Variants in DAPK2 observed in about 807,000 individuals in gnomAD.
DAPK2 encodes the protein death associated protein kinase 2.
A neutral mutation model predicts 44.1 loss-of-function variants in DAPK2; 35 were observed. The observed-to-expected ratio is 0.79, with a 90% CI of 0.61 to 1.05. The LOEUF is 1.05. Ranked by LOEUF, DAPK2 falls within the 50% of genes least tolerant of loss-of-function variation. DAPK2 has a pLI of 0.00. For synonymous variants in DAPK2, 174 were observed against 182.6 expected, an observed-to-expected ratio of 0.95 and a Z score of 0.38; for missense variants, 453 against 483.2, an observed-to-expected ratio of 0.94 and a Z score of 0.59.
At chr15:64,042,411 C>T (rs2141224526), upstream of DAPK2, among the ~76,000 whole-genome samples, 1 of 152,204 alleles carries the variant, frequency 6.6e-6, no homozygotes, top group South Asian at 2.1e-4. This position sits in a 1 kb window ranked among gnomAD's most constrained non-coding sequence, Gnocchi z 4.7. Flanking sequence ...GGTGGGGTTA[C>T]CAATTTCACA....
At chr15:63,926,160 G>C in intron 6 of DAPK2, 67 bp from the exon 8 acceptor site, 5 of 1,533,286 alleles carry the variant, frequency 3.3e-6, no homozygotes, top group Non-Finnish European at 4.4e-6. Flanking sequence ...TTACGGACTC[G>C]GGGAACCCTG....
chr15:63,946,472 C>T (rs552045109), intron 3 of DAPK2, among the ~76,000 whole-genome samples: 3 of 152,342 alleles, frequency 2.0e-5, no homozygotes, highest in African/African-American at 7.2e-5. Context: ...GGGGGCAAAA[C>T]CTACTGAGCC....
At chr15:64,039,478 T>A (rs971870833) in intron 1 of DAPK2, among the ~76,000 whole-genome samples, 7 of 152,254 alleles carry the variant, frequency 4.6e-5, no homozygotes, top group Non-Finnish European at 8.8e-5. Flanking sequence ...GCCTATTTCA[T>A]GCATTGTTAT....
intron 3 of DAPK2, among the ~76,000 whole-genome samples, chr15:63,958,512 T>C (rs912396580): frequency 1.1e-4 from 16 of 152,224 alleles, no homozygotes; most frequent in African/African-American, 3.6e-4. Flanking sequence ...CTTTAATCCA[T>C]CTTGAATTAA....
Position 64,020,981 on chromosome 15 carries a change from G to A in DAPK2, c.92+19189C>T, listed in dbSNP as rs2079664135. On this transcript the variant is annotated intron_variant, in intron 1 of 10. Transcript: ENST00000261891. This position sits in a 1 kb window ranked among gnomAD's most constrained non-coding sequence, Gnocchi z 4.5. ...GTAGCCAAAGTGGGATATGAAGCAA[G>A]TTCTTTACTCCAAGTCCGTGGCGAT... 6.6e-6 allele frequency among the ~76,000 whole-genome samples: 1 copy of A among 152,216 alleles called. No homozygotes were observed. The highest frequency in any genetic ancestry group is 6.5e-5 in the Admixed American group (1 of 15,270).
chr15:64,030,780 C>A (rs189396562), intron 1 of DAPK2, among the ~76,000 whole-genome samples: 189 of 152,090 alleles, frequency 1.2e-3, no homozygotes, highest in African/African-American at 4.1e-3. Context: ...TCAGCCTGGG[C>A]AATACAGTAA....
chr15:64,037,658 T>C (rs571428474), intron 1 of DAPK2, among the ~76,000 whole-genome samples: 1 of 152,292 alleles, frequency 6.6e-6, no homozygotes, highest in Non-Finnish European at 1.5e-5. Flanking sequence ...AGAATAGGAC[T>C]GTCCCTTCAG....
At chr15:63,991,183 C>T (rs766916759) in intron 1 of DAPK2, 2 of 454,940 alleles carry the variant, frequency 4.4e-6, no homozygotes, top group Non-Finnish European at 8.8e-6. Flanking sequence ...GGAAACAGGT[C>T]AGGGTTTTAG....
At chr15:63,926,182 C>T (rs2079257747) in intron 6 of DAPK2, 89 bp from the exon 8 acceptor site, 1 of 1,442,446 alleles carries the variant, frequency 6.9e-7, no homozygotes, top group South Asian at 1.4e-5. Context: ...CCCATGACTG[C>T]TGCAGGGAGC....
In DAPK2 at chr15:63,947,130, C is replaced by G. The variant is rs571471170; in HGVS notation, c.454-7769G>C. Reference sequence around the variant, plus strand: ...GCTACCTCTTCATCACCCCATCCCACCCTGCAGTTCACTCTGCTGGAACAG... The same window carrying G: ...GCTACCTCTTCATCACCCCATCCCAGCCTGCAGTTCACTCTGCTGGAACAG... On this transcript the variant is annotated intron_variant, in intron 3 of 10. Transcript: ENST00000261891. Among the ~76,000 whole-genome samples, 3 of 152,240 alleles carry G rather than the reference C, an allele frequency of 2.0e-5. No individual in the cohort carries two copies. The East Asian group carries it at 5.8e-4, about 29-fold the overall frequency.
intron 1 of DAPK2, among the ~76,000 whole-genome samples, chr15:63,988,915 C>T (rs2078739213): frequency 6.6e-6 from 1 of 151,898 alleles, no homozygotes; most frequent in Non-Finnish European, 1.5e-5. Context: ...TATGGTGGCT[C>T]ACACCTGTCA....
chr15:63,968,420 C>A (rs928106945), intron 3 of DAPK2, among the ~76,000 whole-genome samples: 1 of 152,196 alleles, frequency 6.6e-6, no homozygotes, highest in Non-Finnish European at 1.5e-5. Flanking sequence ...GGAAAATGTC[C>A]AGGTTAGCCC....
At chr15:63,954,677 T>C (rs1257597234) in intron 3 of DAPK2, among the ~76,000 whole-genome samples, 1 of 152,232 alleles carries the variant, frequency 6.6e-6, no homozygotes, top group Non-Finnish European at 1.5e-5. Flanking sequence ...GTTTTTTCTA[T>C]TTCGGTTAAG....
At chr15:63,958,786 A>G (rs943833462) in intron 3 of DAPK2, among the ~76,000 whole-genome samples, 63 of 152,306 alleles carry the variant, frequency 4.1e-4, no homozygotes, top group African/African-American at 1.4e-3. Context: ...GTCAGGTAGC[A>G]TGATGCCTCC....
intron 1 of DAPK2, among the ~76,000 whole-genome samples, chr15:64,035,083 G>A (rs182062029): frequency 6.0e-4 from 91 of 151,916 alleles, no homozygotes; most frequent in African/African-American, 2.2e-3. Flanking sequence ...CAGGAGAATC[G>A]CTTGAACCCG....
At chr15:63,962,275 C>T (rs527263796) in intron 3 of DAPK2, among the ~76,000 whole-genome samples, 21 of 152,266 alleles carry the variant, frequency 1.4e-4, no homozygotes, top group African/African-American at 4.8e-4. Flanking sequence ...AGCTTATTTG[C>T]GATGGGTTCG....
At chr15:63,975,811 C>T (rs937641398) in intron 2 of DAPK2, among the ~76,000 whole-genome samples, 3 of 152,108 alleles carry the variant, frequency 2.0e-5, no homozygotes, top group African/African-American at 7.2e-5. Flanking sequence ...ATTGGCCAAG[C>T]TGGGACTCCT....
At chr15:64,040,145 C>T (rs369782447) in intron 1 of DAPK2, 25 bp downstream of exon 2, 1 of 1,592,258 alleles carries the variant, frequency 6.3e-7, no homozygotes, top group Non-Finnish European at 8.6e-7. Context: ...CTCGGCATCC[C>T]CCCACCTCTC....
Position 63,929,633 on chromosome 15 carries a change from A to G in DAPK2, c.633-56T>C, listed in dbSNP as rs1433804597. 6 of 1,609,568 alleles carry G rather than the reference A, an allele frequency of 3.7e-6. No homozygotes were observed. The East Asian group carries it at 1.3e-4, about 36-fold the overall frequency. ...CACCTGGGTCCCATCCCCGACCAGC[A>G]AGGGACACCCTCATGGATCTAAGGG... On this transcript the variant is annotated intron_variant, in intron 5 of 10. Coordinates refer to ENST00000261891, the Ensembl canonical transcript of DAPK2.
Sources: gnomAD v4.1 joint callset for allele counts (sites outside exome capture counted in the v4.1 genomes callset) on GRCh38, gnomAD v4.1.1 for gene constraint, Gnocchi (gnomAD v3.1) non-coding constraint, MANE v1.5 for transcripts, NCBI Gene and HGNC (gene_info 2026-07-23, HGNC 2026-07-21) for gene names.